ANTXR2: variants seen among roughly 807,000 people sequenced by gnomAD.
The protein encoded by ANTXR2 is ANTXR cell adhesion molecule 2.
In ANTXR2, 44 loss-of-function variants were observed where a neutral mutation model predicts 73.7. The ratio of observed to expected loss-of-function variants is 0.60; its 90% confidence interval spans 0.47 to 0.77. The LOEUF is 0.77. ANTXR2 is among the 30% of genes least tolerant of loss of function. The probability of loss-of-function intolerance (pLI) is 0.00; values close to 1 mark genes in which losing one functional copy is unlikely to be tolerated. For missense variants in ANTXR2, 604 were observed against 592.5 expected (o/e 1.02, Z -0.20); for synonymous variants, 217 against 205.9 (o/e 1.05, Z -0.46).
At chr4:79,949,312 A>G (rs1365378506) in intron 16 of ANTXR2, among the ~76,000 whole-genome samples, 1 of 152,144 alleles carries the variant, frequency 6.6e-6, no homozygotes, top group African/African-American at 2.4e-5. Flanking sequence ...AATTATTCCA[A>G]TGCAAGACAT....
At position 79,987,822 on chromosome 4, in the gene ANTXR2, T is replaced by C. The variant is rs1287258429; in HGVS notation, c.1042-2959A>G. ...AGATTGGCGGCCTATATTCTGCAAC[T>C]TTAAAGAAAAGAAACTTCAACCAAG... On this transcript the variant is annotated intron_variant, in intron 12 of 16. Transcript: ENST00000403729. 3.9e-5 allele frequency among the ~76,000 whole-genome samples: 6 copies of C among 152,094 alleles called. No individual in the cohort carries two copies. The East Asian group carries it at 1.2e-3, about 29-fold the overall frequency.
At chr4:80,049,585 T>C (rs959590697) in intron 7 of ANTXR2, among the ~76,000 whole-genome samples, 1 of 151,734 alleles carries the variant, frequency 6.6e-6, no homozygotes, top group Non-Finnish European at 1.5e-5. Context: ...TATCCCCCAC[T>C]GGGCTTTTGT....
Position 79,903,763 on chromosome 4 carries a change from C to T in ANTXR2, c.*3666G>A, listed in dbSNP as rs1356625893. On this transcript the variant is annotated 3_prime_UTR_variant, in exon 17 of 17. Coordinates refer to ENST00000403729, the MANE Select transcript of ANTXR2 (RefSeq NM_058172.6). The stretch of plus-strand genomic sequence containing the variant: ...TCCAGCCTCACCTGCCTGTTTCTTT[C>T]CTTAACTATGTAACAGATGTACCAA... 2 of 152,164 alleles carry T rather than the reference C, an allele frequency of 1.3e-5. No individual in the cohort carries two copies. The highest frequency in any genetic ancestry group is 4.1e-4 in the South Asian group (2 of 4,832). 9.4% of individuals were successfully genotyped at this position (152,164 alleles called of 1,614,324 possible).
chr4:79,980,467 A>T (rs971266304), intron 14 of ANTXR2, among the ~76,000 whole-genome samples: 1 of 152,228 alleles, frequency 6.6e-6, no homozygotes, highest in Non-Finnish European at 1.5e-5. Flanking sequence ...CAGAATTAAT[A>T]TATCAGGCTT....
At chr4:80,019,255 T>C (rs1372993016) in intron 10 of ANTXR2, among the ~76,000 whole-genome samples, 4 of 152,090 alleles carry the variant, frequency 2.6e-5, no homozygotes, top group Non-Finnish European at 5.9e-5. Context: ...TAATCTCAGC[T>C]ACTCAGGAGG....
chr4:79,950,340 C>A (rs1030360822), intron 16 of ANTXR2, among the ~76,000 whole-genome samples: 4 of 152,066 alleles, frequency 2.6e-5, no homozygotes, highest in African/African-American at 7.2e-5. Flanking sequence ...TTAGTTATTA[C>A]CCTTGTCGAT....
In ANTXR2 at chr4:79,964,499, CCT is replaced by C. The variant is rs1420461639; in HGVS notation, c.1428+13120_1428+13121del. On this transcript the variant is annotated intron_variant, in intron 16 of 16. Transcript: ENST00000403729. The stretch of plus-strand genomic sequence containing the variant: ...AGACTTCGATCTGTACCTGCTGTCC[CCT>C]GTCACTCCCTGGAAACTTGGCGGCA... Among the ~76,000 whole-genome samples, 11 of 152,272 alleles carry C rather than the reference CCT, an allele frequency of 7.2e-5. 1 individual carries two copies. The highest frequency in any genetic ancestry group is 4.6e-4 in the Admixed American group (7 of 15,294).
At chr4:79,966,238 G>A (rs1729359932) in intron 16 of ANTXR2, among the ~76,000 whole-genome samples, 1 of 152,072 alleles carries the variant, frequency 6.6e-6, no homozygotes, top group East Asian at 1.9e-4. Context: ...AGCCAGAGAA[G>A]TAGAGGATAC....
At chr4:80,021,250 A>G (rs1268665857) in intron 10 of ANTXR2, among the ~76,000 whole-genome samples, 1 of 152,050 alleles carries the variant, frequency 6.6e-6, no homozygotes, top group African/African-American at 2.4e-5. Context: ...GAACTATTCC[A>G]ACACAGAAGG....
intron 12 of ANTXR2, among the ~76,000 whole-genome samples, chr4:79,994,905 G>C (rs1730651557): frequency 6.6e-6 from 1 of 151,870 alleles, no homozygotes; most frequent in Admixed American, 6.6e-5. Flanking sequence ...CCTCAGCATG[G>C]TGTCAGTCCC....
intron 14 of ANTXR2, 134 bp downstream of exon 14, chr4:79,983,744 C>A: frequency 1.4e-6 from 1 of 732,916 alleles, no homozygotes; most frequent in Non-Finnish European, 2.3e-6. Flanking sequence ...AAAATGTATC[C>A]AGAAAAGACC....
intron 11 of ANTXR2, among the ~76,000 whole-genome samples, chr4:80,014,734 G>A (rs960794117): frequency 6.6e-6 from 1 of 152,120 alleles, no homozygotes; most frequent in African/African-American, 2.4e-5. Flanking sequence ...AATCATCAAG[G>A]GAGATAGTGC....
chr4:79,922,701 A>G (rs1390217516), intron 16 of ANTXR2, among the ~76,000 whole-genome samples: 2 of 152,090 alleles, frequency 1.3e-5, no homozygotes, highest in African/African-American at 4.8e-5. Flanking sequence ...TAATAACTCA[A>G]CATAAATCCA....
At position 80,016,749 on chromosome 4, in the gene ANTXR2, C is replaced by T. The variant is rs570806600; in HGVS notation, c.945+2149G>A. The stretch of plus-strand genomic sequence containing the variant: ...CTTCTATTTGGCAAAACCACAGTTG[C>T]TTTTGCATCAACCTAATAGTTGCTC... On this transcript the variant is annotated intron_variant, in intron 11 of 16. Transcript: ENST00000403729. 3.9e-5 allele frequency among the ~76,000 whole-genome samples: 6 copies of T among 152,376 alleles called. No homozygotes were observed. The South Asian group carries it at 8.3e-4, about 21-fold the overall frequency.
At chr4:80,032,880 A>G (rs112986284) in intron 9 of ANTXR2, among the ~76,000 whole-genome samples, 4 of 152,042 alleles carry the variant, frequency 2.6e-5, no homozygotes, top group African/African-American at 9.6e-5. Flanking sequence ...AATAAATACG[A>G]AAATTATCAA....
intron 12 of ANTXR2, among the ~76,000 whole-genome samples, chr4:79,999,278 C>T (rs775863418): frequency 6.6e-6 from 1 of 151,928 alleles, no homozygotes; most frequent in Admixed American, 6.6e-5. Context: ...TTTCCCCATG[C>T]TGTTCTCATG....
At chr4:80,013,957 C>T (rs1445135488) in intron 11 of ANTXR2, among the ~76,000 whole-genome samples, 3 of 152,146 alleles carry the variant, frequency 2.0e-5, no homozygotes, top group East Asian at 1.9e-4. Context: ...GAGAAGGCTT[C>T]AAGTCATCAG....
intron 12 of ANTXR2, among the ~76,000 whole-genome samples, chr4:80,003,582 TAAA>T (rs1731160889): frequency 6.6e-6 from 1 of 151,360 alleles, no homozygotes; most frequent in Admixed American, 6.6e-5. Flanking sequence ...TAAAATAAAA[TAAA>T]AAGAAAATGG....
intron 16 of ANTXR2, among the ~76,000 whole-genome samples, chr4:79,934,685 GC>G (rs1014419311): frequency 6.6e-6 from 1 of 152,094 alleles, no homozygotes; most frequent in Non-Finnish European, 1.5e-5. Context: ...GAAGCTTAAT[GC>G]CTGATATATG....
Sources: gnomAD v4.1 joint callset for allele counts (sites outside exome capture counted in the v4.1 genomes callset) on GRCh38, gnomAD v4.1.1 for gene constraint, MANE v1.5 for transcripts, NCBI Gene and HGNC (gene_info 2026-07-23, HGNC 2026-07-21) for gene names.